Variants in CYP19A1 observed in about 807,000 individuals in gnomAD.
CYP19A1 encodes cytochrome P450 family 19 subfamily A member 1, also known as aromatase.
CYP19A1 carries 32 observed loss-of-function variants against 44.4 expected under a neutral mutation model. The observed-to-expected ratio is 0.72, with a 90% CI of 0.54 to 0.97. The LOEUF is 0.97. CYP19A1 is among the 50% of genes least tolerant of loss of function. CYP19A1 has a pLI of 0.00. For missense variants in CYP19A1, 598 were observed against 637.8 expected (o/e 0.94, Z 0.67); for synonymous variants, 212 against 215.6 (o/e 0.98, Z 0.14).
intron 1 of CYP19A1, among the ~76,000 whole-genome samples, chr15:51,288,641 G>T (rs527862721): frequency 4.6e-5 from 7 of 152,186 alleles, no homozygotes; most frequent in African/African-American, 1.7e-4. Flanking sequence ...TCCCATCCTT[G>T]CTTTTTCCTA....
At chr15:51,277,277 A>G (rs2035347761) in intron 1 of CYP19A1, 1 of 152,192 alleles carries the variant, frequency 6.6e-6, no homozygotes, top group Non-Finnish European at 1.5e-5. Context: ...GAGTGCCCCA[A>G]GTGGGTTTAT....
intron 1 of CYP19A1, among the ~76,000 whole-genome samples, chr15:51,265,822 G>C (rs897417138): frequency 1.3e-5 from 2 of 152,164 alleles, no homozygotes; most frequent in African/African-American, 4.8e-5. Flanking sequence ...GCTCTCCTCA[G>C]TGCCAACCGT....
At chr15:51,320,159 C>T (rs998116712) in intron 1 of CYP19A1, 2 of 152,360 alleles carry the variant, frequency 1.3e-5, no homozygotes, top group Non-Finnish European at 2.9e-5. Flanking sequence ...CAGGCACCAT[C>T]CTCGGCTCCC....
At chr15:51,213,288 C>A (rs570205523) in intron 8 of CYP19A1, among the ~76,000 whole-genome samples, 1 of 152,300 alleles carries the variant, frequency 6.6e-6, no homozygotes. Flanking sequence ...TAGATGGACA[C>A]CCTCACTGTC....
chr15:51,331,832 A>T (rs1016117354), intron 1 of CYP19A1, among the ~76,000 whole-genome samples: 1 of 151,462 alleles, frequency 6.6e-6, no homozygotes, highest in East Asian at 1.9e-4. Context: ...CTGCTTTGTT[A>T]TTTGCATTTG....
intron 1 of CYP19A1, among the ~76,000 whole-genome samples, chr15:51,301,830 TGCC>T (rs1469838564): frequency 2.0e-5 from 3 of 152,198 alleles, no homozygotes; most frequent in Non-Finnish European, 4.4e-5. Flanking sequence ...AAGCATGTGG[TGCC>T]ACCAAAGATA....
chr15:51,227,774 C>T lies in CYP19A1; in HGVS notation c.451+5G>A, dbSNP rs548091969. 2 of 1,409,070 alleles carry T rather than the reference C, an allele frequency of 1.4e-6. No homozygotes were observed. The highest frequency in any genetic ancestry group is 2.0e-6 in the Non-Finnish European group (2 of 993,286). The allele number at this position is 1,409,070 out of a possible 1,614,324, so 87.3% of individuals were successfully genotyped here. On this transcript the variant is annotated splice_donor_5th_base_variant and intron_variant, in intron 4 of 9. Transcript: ENST00000396402. ...AAGATTGTAGCTAACTAAGTACCTG[C>T]TTACCTTTCATAAAGAAGGGTCGAG...
chr15:51,302,890 C>G lies in CYP19A1; in HGVS notation c.-39+35605G>C, dbSNP rs767100989. On this transcript the variant is annotated intron_variant, in intron 1 of 9. Transcript: ENST00000396402. ...TCAAAGGCAGGATCCATGTCTGATT[C>G]ATCTCTGGGTCCCTTGTAGGGCTAT... is the stretch of plus-strand genomic sequence containing the variant. Among the ~76,000 whole-genome samples the G allele has an allele frequency of 5.3e-4, 80 of 152,222 alleles. 1 individual carries two copies. Among genetic ancestry groups the G allele is most frequent in the Non-Finnish European group, 9.0e-4 (61 of 68,040 alleles).
At chr15:51,294,636 G>A (rs1442451902) in intron 1 of CYP19A1, among the ~76,000 whole-genome samples, 1 of 137,734 alleles carries the variant, frequency 7.3e-6, no homozygotes, top group Non-Finnish European at 1.6e-5. Context: ...GAGGTGGGGG[G>A]GTCAGCCCCC....
Position 51,210,771 on chromosome 15 carries a change from T to G in CYP19A1, c.*37A>C. ...GGATGATTTGTATGTGAACTACTGA[T>G]GAGAAATGCTCCAGAGTGGGTACTG... On this transcript the variant is annotated 3_prime_UTR_variant, in exon 10 of 10. Transcript: ENST00000396402. 1 of 1,316,992 alleles carries G rather than the reference T, an allele frequency of 7.6e-7. No homozygotes were observed. Among genetic ancestry groups the G allele is most frequent in the Non-Finnish European group, 1.1e-6 (1 of 907,238 alleles). 81.6% of individuals were successfully genotyped at this position (1,316,992 alleles called of 1,614,324 possible). A position where few individuals can be genotyped will look rare whatever the true frequency, so the allele number is the denominator to read the frequency against.
chr15:51,303,287 G>C (rs532378229), intron 1 of CYP19A1, among the ~76,000 whole-genome samples: 1 of 152,254 alleles, frequency 6.6e-6, no homozygotes, highest in South Asian at 2.1e-4. Flanking sequence ...GGCCAGGGAG[G>C]CCTTTTGAGG....
intron 1 of CYP19A1, among the ~76,000 whole-genome samples, chr15:51,295,923 A>G (rs1566916526): frequency 2.6e-5 from 4 of 152,130 alleles, no homozygotes; most frequent in African/African-American, 9.7e-5. Context: ...GACAAAAAGA[A>G]TGTTTCTGGG....
chr15:51,272,079 T>G (rs1322833228), intron 1 of CYP19A1, among the ~76,000 whole-genome samples: 1 of 152,226 alleles, frequency 6.6e-6, no homozygotes, highest in African/African-American at 2.4e-5. Context: ...CTGACACTTT[T>G]GCACAACCCA....
chr15:51,233,927 C>G (rs1033218879), intron 3 of CYP19A1, among the ~76,000 whole-genome samples: 2 of 152,192 alleles, frequency 1.3e-5, no homozygotes, highest in South Asian at 2.1e-4. Flanking sequence ...TCCACGCCCC[C>G]AGTGGCACAC....
chr15:51,285,497 G>C (rs1175691964), intron 1 of CYP19A1, among the ~76,000 whole-genome samples: 1 of 152,182 alleles, frequency 6.6e-6, no homozygotes, highest in Non-Finnish European at 1.5e-5. Context: ...TTGGGAAAAA[G>C]CTGAGTGTTG....
At chr15:51,281,321 C>A (rs1235447904) in intron 1 of CYP19A1, among the ~76,000 whole-genome samples, 1 of 152,186 alleles carries the variant, frequency 6.6e-6, no homozygotes, top group African/African-American at 2.4e-5. Flanking sequence ...AGATTAGAGG[C>A]TATACCAGAT....
At chr15:51,215,309 G>A in intron 7 of CYP19A1, 77 bp from the exon 8 acceptor site, 1 of 1,597,764 alleles carries the variant, frequency 6.3e-7, no homozygotes. Context: ...GACACTCAAG[G>A]ATCAACAACC....
intron 1 of CYP19A1, among the ~76,000 whole-genome samples, chr15:51,283,492 T>C (rs1007502530): frequency 6.6e-6 from 1 of 152,224 alleles, no homozygotes; most frequent in Admixed American, 6.5e-5. Context: ...TTACTCTGAA[T>C]ACGTTAAGGC....
At chr15:51,264,965 T>C (rs1018462896) in intron 1 of CYP19A1, among the ~76,000 whole-genome samples, 3 of 152,338 alleles carry the variant, frequency 2.0e-5, no homozygotes, top group Admixed American at 1.3e-4. Flanking sequence ...ACAAAACCAA[T>C]GTAGGGTTGG....
Sources: gnomAD v4.1 joint callset for allele counts (sites outside exome capture counted in the v4.1 genomes callset) on GRCh38, gnomAD v4.1.1 for gene constraint, MANE v1.5 for transcripts, NCBI Gene and HGNC (gene_info 2026-07-23, HGNC 2026-07-21) for gene names.